The following GSG1L variants were observed in gnomAD, a reference collection of about 807,000 sequenced individuals.
The protein encoded by GSG1L is germ cell-specific gene 1-like protein.
A neutral mutation model predicts 42.1 loss-of-function variants in GSG1L; 24 were observed. That is an observed-to-expected ratio of 0.57 (90% confidence interval 0.41 to 0.80). GSG1L has a LOEUF of 0.80. Ranked by LOEUF, GSG1L falls within the 30% of genes least tolerant of loss-of-function variation. The pLI, the probability that GSG1L is intolerant of heterozygous loss-of-function variation, is 0.00. For missense variants in GSG1L, 445 were observed against 472.2 expected (o/e 0.94, Z 0.53); for synonymous variants, 215 against 203.5 (o/e 1.06, Z -0.48).
At chr16:27,895,114 T>C (rs768246373) in intron 2 of GSG1L, among the ~76,000 whole-genome samples, 69 of 152,194 alleles carry the variant, frequency 4.5e-4, no homozygotes, top group Non-Finnish European at 9.0e-4. Flanking sequence ...GCCAACAGGC[T>C]GAATCCAGCC....
At chr16:27,915,453 A>C (rs1358583064) in intron 2 of GSG1L, among the ~76,000 whole-genome samples, 1 of 152,192 alleles carries the variant, frequency 6.6e-6, no homozygotes, top group Non-Finnish European at 1.5e-5. Flanking sequence ...TGAGCAAGCA[A>C]AGCCACAGGC....
At chr16:28,041,965 T>C (rs890787121) in intron 1 of GSG1L, among the ~76,000 whole-genome samples, 1 of 152,214 alleles carries the variant, frequency 6.6e-6, no homozygotes, top group African/African-American at 2.4e-5. Flanking sequence ...AAAGTAAAAC[T>C]GGGCAAAGAC....
chr16:27,939,203 C>A (rs1281905210), intron 2 of GSG1L, among the ~76,000 whole-genome samples: 2 of 152,062 alleles, frequency 1.3e-5, no homozygotes, highest in Non-Finnish European at 2.9e-5. Context: ...TTCACTACAG[C>A]CACGACCTCC....
chr16:27,801,731 C>T (rs1382142476), intron 6 of GSG1L, among the ~76,000 whole-genome samples: 4 of 152,174 alleles, frequency 2.6e-5, no homozygotes, highest in Non-Finnish European at 5.9e-5. Flanking sequence ...CTGACATCAC[C>T]TAGCGGTCCA....
At chr16:27,969,233 A>G (rs2085166339) in intron 1 of GSG1L, among the ~76,000 whole-genome samples, 1 of 152,246 alleles carries the variant, frequency 6.6e-6, no homozygotes, top group African/African-American at 2.4e-5. Flanking sequence ...AAACGTTTTC[A>G]TCACACTGAA....
intron 1 of GSG1L, among the ~76,000 whole-genome samples, chr16:28,004,391 T>C (rs745911044): frequency 4.8e-5 from 7 of 146,804 alleles, no homozygotes; most frequent in African/African-American, 1.0e-4. Context: ...CCTGTCTCAA[T>C]AGGAGCTGAG....
chr16:27,882,207 C>A (rs2083966796), intron 3 of GSG1L, among the ~76,000 whole-genome samples: 1 of 152,166 alleles, frequency 6.6e-6, no homozygotes, highest in South Asian at 2.1e-4. Context: ...TGCTCTCTTG[C>A]CTGCCACCAT....
intron 6 of GSG1L, among the ~76,000 whole-genome samples, chr16:27,802,329 C>T (rs919009617): frequency 7.2e-5 from 11 of 152,178 alleles, no homozygotes; most frequent in African/African-American, 9.7e-5. Context: ...GGATCTCTCA[C>T]GCATGCCAGC....
At chr16:28,031,515 G>C (rs2085964099) in intron 1 of GSG1L, among the ~76,000 whole-genome samples, 1 of 152,110 alleles carries the variant, frequency 6.6e-6, no homozygotes, top group Non-Finnish European at 1.5e-5. Flanking sequence ...GCCATGCTGA[G>C]ACTAGGAACA....
chr16:27,973,160 G>C (rs1567540381), intron 1 of GSG1L, among the ~76,000 whole-genome samples: 1 of 152,082 alleles, frequency 6.6e-6, no homozygotes, highest in Non-Finnish European at 1.5e-5. Context: ...AAAAAAGTAA[G>C]TGCTTAGGGC....
At chr16:28,056,451 T>TCA (rs1283264689) in intron 1 of GSG1L, among the ~76,000 whole-genome samples, 2 of 108,940 alleles carry the variant, frequency 1.8e-5, no homozygotes, top group Non-Finnish European at 3.4e-5. Flanking sequence ...AAGGGGAACA[T>TCA]CACACCGGGG....
At chr16:28,014,533 T>TC (rs1427344871) in intron 1 of GSG1L, among the ~76,000 whole-genome samples, 1 of 152,106 alleles carries the variant, frequency 6.6e-6, no homozygotes, top group African/African-American at 2.4e-5. Context: ...AGACAGGGTC[T>TC]CGCTCTGTCA....
At chr16:27,947,149 C>T (rs550493976) in intron 2 of GSG1L, among the ~76,000 whole-genome samples, 1 of 152,226 alleles carries the variant, frequency 6.6e-6, no homozygotes, top group South Asian at 2.1e-4. Flanking sequence ...TGTTTTGAGA[C>T]AGAGTCTTGC....
At chr16:27,886,296 C>T (rs186792353) in intron 2 of GSG1L, among the ~76,000 whole-genome samples, 11 of 152,204 alleles carry the variant, frequency 7.2e-5, no homozygotes, top group African/African-American at 1.2e-4. Flanking sequence ...AAAAAGTAGC[C>T]GGGCGTGGTG....
intron 1 of GSG1L, 105 bp downstream of exon 1, chr16:28,062,971 C>T: frequency 1.7e-6 from 2 of 1,206,288 alleles, no homozygotes; most frequent in Non-Finnish European, 2.1e-6. Context: ...GGGAGCTGGG[C>T]CCAGGCGGCG....
chr16:27,841,458 A>T (rs931131006), intron 4 of GSG1L, among the ~76,000 whole-genome samples: 1 of 152,230 alleles, frequency 6.6e-6, no homozygotes, highest in Non-Finnish European at 1.5e-5. Flanking sequence ...GAGACCCTGC[A>T]GCTTGTTCTT....
At chr16:27,943,724 A>C (rs780129426) in intron 2 of GSG1L, among the ~76,000 whole-genome samples, 10 of 151,488 alleles carry the variant, frequency 6.6e-5, no homozygotes, top group Non-Finnish European at 1.5e-4. Context: ...ACAGGTGTGC[A>C]CCACCACACC....
intron 3 of GSG1L, among the ~76,000 whole-genome samples, chr16:27,852,182 A>G (rs1240991728): frequency 6.6e-6 from 1 of 152,264 alleles, no homozygotes; most frequent in Non-Finnish European, 1.5e-5. Context: ...ATATTCTCGT[A>G]GATGCTGGGC....
intron 3 of GSG1L, among the ~76,000 whole-genome samples, chr16:27,874,342 T>C (rs1315485220): frequency 6.6e-6 from 1 of 150,558 alleles, no homozygotes; most frequent in Non-Finnish European, 1.5e-5. Context: ...GGACTGGAGA[T>C]TGAGATCATC....
Sources: allele counts gnomAD v4.1 joint callset (sites outside exome capture counted in the v4.1 genomes callset), GRCh38; gene constraint gnomAD v4.1.1; transcripts MANE v1.5; gene names NCBI Gene and HGNC (gene_info 2026-07-23, HGNC 2026-07-21).